LINGO1: variants seen among roughly 807,000 people sequenced by gnomAD.
LINGO1 encodes the protein leucine rich repeat and Ig domain containing 1.
Under a neutral mutation model 37.3 loss-of-function variants are expected in LINGO1, and 11 were observed. That is an observed-to-expected ratio of 0.29 (90% CI 0.19 to 0.49). The LOEUF is 0.49. LINGO1 is among the 20% of genes least tolerant of loss of function. The pLI is 0.99. For missense variants in LINGO1, 585 were observed against 878.2 expected, an observed-to-expected ratio of 0.67 and a Z score of 4.22; for synonymous variants, 387 against 403.0, an observed-to-expected ratio of 0.96 and a Z score of 0.48.
At chr15:77,705,203 A>ACACACACACACACACACACACACACC (rs1311494205) in intron 2 of LINGO1, among the ~76,000 whole-genome samples, 4 of 148,650 alleles carry the variant, frequency 2.7e-5, no homozygotes, top group Admixed American at 1.3e-4. Context: ...ACACACACAC[A>ACACACACACACACACACACACACACC]CACCAGTCCA....
upstream of LINGO1, among the ~76,000 whole-genome samples, chr15:77,633,964 C>T (rs2074341968): frequency 6.6e-6 from 1 of 152,208 alleles, no homozygotes; most frequent in Admixed American, 6.5e-5. Context: ...TTAGAATAAC[C>T]ATCAATGCTG....
intron 1 of LINGO1, among the ~76,000 whole-genome samples, chr15:77,767,819 C>G (rs963899129): frequency 6.6e-6 from 1 of 152,184 alleles, no homozygotes; most frequent in Non-Finnish European, 1.5e-5. Context: ...AATCAGAGTA[C>G]ATTACATAGC....
At chr15:77,796,734 C>G (rs1225146568) in intron 1 of LINGO1, among the ~76,000 whole-genome samples, 2 of 148,822 alleles carry the variant, frequency 1.3e-5, no homozygotes, top group Non-Finnish European at 3.0e-5. Flanking sequence ...TTTAAAGAGG[C>G]AGAGTCTTGC....
intron 2 of LINGO1, among the ~76,000 whole-genome samples, chr15:77,688,663 C>T (rs768764088): frequency 4.6e-5 from 7 of 152,204 alleles, no homozygotes; most frequent in East Asian, 1.9e-4. Context: ...CTTCATTTCC[C>T]GCCACGGTTG....
At chr15:77,635,502 CA>C (rs1356938054), upstream of LINGO1, among the ~76,000 whole-genome samples, 3 of 152,172 alleles carry the variant, frequency 2.0e-5, no homozygotes, top group Non-Finnish European at 2.9e-5. Flanking sequence ...AGAGTCCTCT[CA>C]GGGGTCCCAG....
chr15:77,700,716 C>T (rs907447453), upstream of LINGO1, among the ~76,000 whole-genome samples: 2 of 152,200 alleles, frequency 1.3e-5, no homozygotes, highest in African/African-American at 4.8e-5. Flanking sequence ...TCCTGCTAAA[C>T]CTGGGTGAGC....
At position 77,649,776 on chromosome 15, in the gene LINGO1, C is replaced by T. The variant is rs79969060; in HGVS notation, c.-13+27313G>A. 8.5e-5 allele frequency among the ~76,000 whole-genome samples: 13 copies of T among 152,158 alleles called. No individual in the cohort carries two copies. The East Asian group carries it at 9.7e-4, about 11-fold the overall frequency. On this transcript the variant is annotated intron_variant, in intron 3 of 3. Transcript: ENST00000559893. ...AGGCTGGACTCCCACAGCCTGCCCC[C>T]CCGAGTGCAGCAGCCCCCAACACTG... is the stretch of plus-strand genomic sequence containing the variant.
intron 1 of LINGO1, among the ~76,000 whole-genome samples, chr15:77,799,470 G>A (rs1052879240): frequency 2.6e-5 from 4 of 152,208 alleles, no homozygotes; most frequent in Non-Finnish European, 1.5e-5. Context: ...AGGAGGTAAA[G>A]GGTGGTATTT....
chr15:77,707,955 C>G (rs775819489), intron 2 of LINGO1, among the ~76,000 whole-genome samples: 8 of 152,298 alleles, frequency 5.3e-5, no homozygotes, highest in Middle Eastern at 3.4e-3. Flanking sequence ...AAAGAAAGAG[C>G]TCTCTCCTAT....
intron 1 of LINGO1, among the ~76,000 whole-genome samples, chr15:77,625,177 C>T (rs1287055780): frequency 6.6e-6 from 1 of 152,178 alleles, no homozygotes. Flanking sequence ...GTGCCACAGC[C>T]TCACAGACTG....
At chr15:77,801,991 C>T (rs1239246969) in intron 1 of LINGO1, among the ~76,000 whole-genome samples, 1 of 152,088 alleles carries the variant, frequency 6.6e-6, no homozygotes, top group African/African-American at 2.4e-5. Context: ...ATAAAGGGAA[C>T]ATAGAAAGGG....
chr15:77,631,059 G>A (rs1163479244), intron 1 of LINGO1, among the ~76,000 whole-genome samples: 2 of 152,216 alleles, frequency 1.3e-5, no homozygotes, highest in Non-Finnish European at 2.9e-5. Flanking sequence ...TCTCCTCACT[G>A]ACACTCTGCG....
intron 1 of LINGO1, among the ~76,000 whole-genome samples, chr15:77,624,493 G>A (rs2074031895): frequency 6.6e-6 from 1 of 152,172 alleles, no homozygotes; most frequent in South Asian, 2.1e-4. Flanking sequence ...CAGCCATCTC[G>A]AGAGCTGCCA....
chr15:77,621,844 G>T (rs945479003), intron 1 of LINGO1, among the ~76,000 whole-genome samples: 1 of 152,236 alleles, frequency 6.6e-6, no homozygotes, highest in Admixed American at 6.5e-5. Context: ...AGTTATTCCA[G>T]GTTTATGGTA....
At chr15:77,673,501 C>T (rs958606585) in intron 3 of LINGO1, among the ~76,000 whole-genome samples, 1 of 152,236 alleles carries the variant, frequency 6.6e-6, no homozygotes, top group Non-Finnish European at 1.5e-5. Context: ...CCATTTGACA[C>T]ATGCTTGAAA....
chr15:77,725,314 A>G (rs6495245), intron 2 of LINGO1, among the ~76,000 whole-genome samples: 83,085 of 152,108 alleles, frequency 0.55, 22,922 homozygotes, highest in Admixed American at 0.62. Context: ...CCAACACTTC[A>G]GGAGGCCAAG....
chr15:77,694,590 C>T (rs2075658499), intron 1 of LINGO1, among the ~76,000 whole-genome samples: 1 of 152,210 alleles, frequency 6.6e-6, no homozygotes. Flanking sequence ...TGCCCCAAAA[C>T]TTGAGAGGGG....
At chr15:77,715,174 C>T (rs565422031) in intron 2 of LINGO1, among the ~76,000 whole-genome samples, 7 of 152,270 alleles carry the variant, frequency 4.6e-5, no homozygotes, top group South Asian at 4.1e-4. Context: ...GCATGCTGCA[C>T]GTACCCCATA....
intron 1 of LINGO1, among the ~76,000 whole-genome samples, chr15:77,772,933 T>C (rs1270553945): frequency 6.6e-6 from 1 of 151,434 alleles, no homozygotes; most frequent in Non-Finnish European, 1.5e-5. Context: ...GCCAGGGGAG[T>C]GGGCTTCAGT....
Sources: allele counts gnomAD v4.1 joint callset (sites outside exome capture counted in the v4.1 genomes callset), GRCh38; gene constraint gnomAD v4.1.1; transcripts MANE v1.5; gene names NCBI Gene and HGNC (gene_info 2026-07-23, HGNC 2026-07-21).